GRHL2: variants seen among roughly 807,000 people sequenced by gnomAD.
GRHL2 encodes grainyhead-like protein 2 homolog.
GRHL2 carries 21 observed loss-of-function variants against 83.8 expected under a neutral mutation model. The observed-to-expected ratio is 0.25, with a 90% CI of 0.18 to 0.36. The LOEUF is 0.36. Ranked by LOEUF, GRHL2 falls within the 10% of genes least tolerant of loss-of-function variation. The pLI is 1.00. For synonymous variants in GRHL2, 280 were observed against 278.9 expected, an observed-to-expected ratio of 1.00 and a Z score of -0.04; for missense variants, 623 against 781.8, an observed-to-expected ratio of 0.80 and a Z score of 2.42.
chr8:101,504,483 G>A (rs1018654097), intron 1 of GRHL2, among the ~76,000 whole-genome samples: 2 of 152,146 alleles, frequency 1.3e-5, no homozygotes, highest in Admixed American at 6.5e-5. Flanking sequence ...AAACTCTCTC[G>A]AGGCAAACCT....
intron 1 of GRHL2, chr8:101,529,455 G>C (rs956680886): frequency 5.0e-5 from 8 of 161,388 alleles, no homozygotes; most frequent in Non-Finnish European, 8.1e-5. Context: ...AAAGTGCCTG[G>C]AGCCTTTTGA....
At chr8:101,625,859 G>A (rs184206066) in intron 9 of GRHL2, among the ~76,000 whole-genome samples, 1 of 152,090 alleles carries the variant, frequency 6.6e-6, no homozygotes, top group East Asian at 1.9e-4. Flanking sequence ...GGTTCTAGCA[G>A]GTAGTTACAC....
At position 101,570,991 on chromosome 8, in the gene GRHL2, A is replaced by G. The variant is rs184743670; in HGVS notation, c.734+597A>G. 1.1e-3 allele frequency among the ~76,000 whole-genome samples: 163 copies of G among 152,352 alleles called. 1 individual carries two copies. Among genetic ancestry groups the G allele is most frequent in the East Asian group, 5.8e-4 (3 of 5,194 alleles). ...CTGTGCACATAGCCAGCTACCAGCT[A>G]TCATGCACTCAGGTGCCTTCCATGT... is the stretch of plus-strand genomic sequence containing the variant. On this transcript the variant is annotated intron_variant, in intron 5 of 15. Transcript: ENST00000646743.
chr8:101,555,980 G>A (rs541484), intron 3 of GRHL2, among the ~76,000 whole-genome samples: 121,997 of 151,848 alleles, frequency 0.8, 49,548 homozygotes, highest in African/African-American at 0.89. Context: ...TTTGAGATGG[G>A]GTTTTGCCCT....
intron 9 of GRHL2, among the ~76,000 whole-genome samples, chr8:101,628,718 G>T (rs921514050): frequency 2.0e-5 from 3 of 152,068 alleles, no homozygotes; most frequent in Admixed American, 6.6e-5. Context: ...ATGGGAGGAG[G>T]TCAAAATATT....
intron 2 of GRHL2, among the ~76,000 whole-genome samples, chr8:101,552,418 C>T (rs1811402611): frequency 6.6e-6 from 1 of 152,232 alleles, no homozygotes. Context: ...CTCTTACACT[C>T]CCAAGGTGGG....
intron 7 of GRHL2, among the ~76,000 whole-genome samples, chr8:101,598,224 T>C (rs1812436437): frequency 6.8e-6 from 1 of 146,124 alleles, no homozygotes. Context: ...CAACTCTCCA[T>C]ACCTAAGTCC....
At chr8:101,601,886 C>T (rs1251345079) in intron 8 of GRHL2, among the ~76,000 whole-genome samples, 2 of 152,290 alleles carry the variant, frequency 1.3e-5, no homozygotes, top group East Asian at 3.9e-4. Flanking sequence ...TGGTTTGCTG[C>T]CCCTATCAAC....
At chr8:101,621,442 T>C (rs900114361) in intron 9 of GRHL2, among the ~76,000 whole-genome samples, 3 of 151,888 alleles carry the variant, frequency 2.0e-5, no homozygotes, top group Admixed American at 6.6e-5. Flanking sequence ...AAATAAAAGA[T>C]TAAAATAGAT....
chr8:101,570,644 TGAA>T lies in GRHL2; in HGVS notation c.734+251_734+253del, dbSNP rs879695016. The stretch of plus-strand genomic sequence containing the variant: ...AGACATTCTTTTGTAGGTGTTCCTC[TGAA>T]CCTCATACTCATGTGCTTCCAGCCC... On this transcript the variant is annotated intron_variant, in intron 5 of 15. Transcript: ENST00000646743. 2.7e-3 allele frequency among the ~76,000 whole-genome samples: 398 copies of T among 147,290 alleles called. 2 individuals are homozygous for T. The highest frequency in any genetic ancestry group is 3.8e-3 in the Non-Finnish European group (249 of 65,664).
chr8:101,510,263 G>A (rs1810436167), intron 1 of GRHL2, among the ~76,000 whole-genome samples: 1 of 152,096 alleles, frequency 6.6e-6, no homozygotes, highest in South Asian at 2.1e-4. Context: ...ACCCAAAGTG[G>A]TGGGATTACA....
At chr8:101,545,010 C>A (rs915278243) in intron 2 of GRHL2, among the ~76,000 whole-genome samples, 1 of 152,308 alleles carries the variant, frequency 6.6e-6, no homozygotes, top group South Asian at 2.1e-4. Context: ...CATTAAAACA[C>A]TCAGGAGGGA....
At position 101,492,526 on chromosome 8, in the gene GRHL2, G is replaced by C. The variant is rs749546534; in HGVS notation, c.-244G>C. ...GATCCAGGAGGACTCCGCGCCGCCC[G>C]GCCGCCTCCGAGCTCGGGCCCCATG... is the stretch of plus-strand genomic sequence containing the variant. On this transcript the variant is annotated 5_prime_UTR_variant, in exon 1 of 16. Coordinates refer to ENST00000646743, the MANE Select transcript of GRHL2 (RefSeq NM_024915.4). The C allele has an allele frequency of 3.3e-6, 2 of 610,256 alleles. No homozygotes were observed. The highest frequency in any genetic ancestry group is 1.9e-5 in the South Asian group (1 of 51,470). The allele number at this position is 610,256 out of a possible 1,614,324, so 37.8% of individuals were successfully genotyped here. A position where few individuals can be genotyped will look rare whatever the true frequency, so the allele number is the denominator to read the frequency against.
intron 1 of GRHL2, among the ~76,000 whole-genome samples, chr8:101,512,295 T>TA (rs1810482746): frequency 6.6e-6 from 1 of 152,170 alleles, no homozygotes; most frequent in African/African-American, 2.4e-5. Context: ...CATGCATTCC[T>TA]ATAAAAACAA....
At chr8:101,634,114 A>G (rs1321160249) in intron 11 of GRHL2, among the ~76,000 whole-genome samples, 1 of 152,168 alleles carries the variant, frequency 6.6e-6, no homozygotes, top group Non-Finnish European at 1.5e-5. Flanking sequence ...AGCATTTGCC[A>G]GGCAGTCCAA....
At chr8:101,528,686 C>T in intron 1 of GRHL2, 1 of 221,470 alleles carries the variant, frequency 4.5e-6, no homozygotes, top group South Asian at 6.9e-5. Context: ...TAGCGCGAGG[C>T]TCTTTTCCTA....
chr8:101,672,916 AG>A (rs531062930), downstream of GRHL2, among the ~76,000 whole-genome samples: 368 of 152,112 alleles, frequency 2.4e-3, 2 homozygotes, highest in Non-Finnish European at 4.3e-3. Context: ...CTTAAAGAAA[AG>A]AATTTTCAAC....
At chr8:101,606,994 G>A (rs891289694) in intron 8 of GRHL2, among the ~76,000 whole-genome samples, 1 of 152,196 alleles carries the variant, frequency 6.6e-6, no homozygotes, top group Non-Finnish European at 1.5e-5. Context: ...AAATTATTCA[G>A]TCTCTTTGGG....
chr8:101,560,237 C>G (rs1811580969), intron 4 of GRHL2, among the ~76,000 whole-genome samples: 1 of 152,064 alleles, frequency 6.6e-6, no homozygotes, highest in Non-Finnish European at 1.5e-5. Flanking sequence ...ACCATGTTGT[C>G]AGGCTGGTCT....
Sources: gnomAD v4.1 joint callset for allele counts (sites outside exome capture counted in the v4.1 genomes callset) on GRCh38, gnomAD v4.1.1 for gene constraint, MANE v1.5 for transcripts, NCBI Gene and HGNC (gene_info 2026-07-23, HGNC 2026-07-21) for gene names.